Variants in EYA4 observed in about 807,000 individuals in gnomAD.
EYA4 encodes the protein EYA transcriptional coactivator and phosphatase 4, also known as protein phosphatase EYA4.
In EYA4, 31 loss-of-function variants were observed where a neutral mutation model predicts 87.9. The observed-to-expected ratio is 0.35, with a 90% CI of 0.27 to 0.48. EYA4 has a LOEUF of 0.48. Ranked by LOEUF, EYA4 falls within the 20% of genes least tolerant of loss-of-function variation. EYA4 has a pLI of 0.99. For synonymous variants in EYA4, 263 were observed against 270.6 expected (o/e 0.97, Z 0.28); for missense variants, 678 against 761.4 (o/e 0.89, Z 1.29).
chr6:133,408,182 A>G (rs1479075440), intron 3 of EYA4, among the ~76,000 whole-genome samples: 4 of 152,324 alleles, frequency 2.6e-5, no homozygotes, highest in African/African-American at 9.6e-5. Context: ...GCCCCTTTGC[A>G]TGGTGAACAG....
chr6:133,283,263 C>T (rs546672011), intron 2 of EYA4, among the ~76,000 whole-genome samples: 2 of 151,862 alleles, frequency 1.3e-5, no homozygotes, highest in African/African-American at 4.8e-5. Context: ...CACTGTGCTC[C>T]ACCCTGAGCG....
At chr6:133,500,741 G>C (rs762455820) in intron 13 of EYA4, among the ~76,000 whole-genome samples, 1 of 151,822 alleles carries the variant, frequency 6.6e-6, no homozygotes, top group African/African-American at 2.4e-5. Context: ...GACTTCTTTC[G>C]CTAAGCCACC....
rs1794492379 is a variant in EYA4 at position 133,462,551 on chromosome 6, T to C, written c.581-70T>C. ...GCTGGCTGGTAGCTTTGTATTCTAT[T>C]GTAGGTTACAACTTAGAAGGAAAAT... is the stretch of plus-strand genomic sequence containing the variant. On this transcript the variant is annotated intron_variant, in intron 8 of 19. Coordinates refer to ENST00000355286, the MANE Select transcript of EYA4 (RefSeq NM_004100.5). 3.7e-6 allele frequency: 6 copies of C among 1,611,640 alleles called. No individual in the cohort carries two copies. In the East Asian group the frequency reaches 8.9e-5, roughly 24 times the overall value.
chr6:133,525,428 A>AT (rs1256457339), intron 19 of EYA4, among the ~76,000 whole-genome samples, 174 bp downstream of exon 19: 2 of 152,100 alleles, frequency 1.3e-5, no homozygotes, highest in Admixed American at 1.3e-4. Flanking sequence ...GGAGTTTAGC[A>AT]TTTTTTGCCT....
At chr6:133,309,281 G>A (rs1780036908) in intron 2 of EYA4, among the ~76,000 whole-genome samples, 1 of 151,984 alleles carries the variant, frequency 6.6e-6, no homozygotes, top group Admixed American at 6.6e-5. Context: ...TGAAGTTGAG[G>A]TTTAATGCAG....
At chr6:133,449,243 T>G (rs941198578) in intron 5 of EYA4, among the ~76,000 whole-genome samples, 2 of 152,310 alleles carry the variant, frequency 1.3e-5, no homozygotes, top group Middle Eastern at 3.4e-3. Context: ...ATAGAAAATA[T>G]GTAAATGAAT....
intron 2 of EYA4, among the ~76,000 whole-genome samples, chr6:133,294,723 A>G (rs1778819915): frequency 6.6e-6 from 1 of 152,072 alleles, no homozygotes; most frequent in South Asian, 2.1e-4. Context: ...ATGAACCACC[A>G]TGCGTGGCTA....
chr6:133,294,023 TTATATATATATATATATATATATA>T lies in EYA4; in HGVS notation c.33+19227_33+19250del, dbSNP rs71771244. On this transcript the variant is annotated intron_variant, in intron 2 of 19. Coordinates refer to ENST00000355286, the MANE Select transcript of EYA4 (RefSeq NM_004100.5). Reference sequence around the variant, plus strand: ...AATTCCTGTGCTCCCTAGGGTGATTTTATATATATATATATATATATATATATATATATATATATAATTCTATTC... The same window carrying T: ...AATTCCTGTGCTCCCTAGGGTGATTTTATATATATATATATAATTCTATTC... 2.3e-4 allele frequency among the ~76,000 whole-genome samples: 18 copies of T among 78,782 alleles called. 2 individuals carry two copies. The South Asian group carries it at 4.3e-3, about 19-fold the overall frequency. The allele number at this position is 78,782 out of a possible 152,430, so 51.7% of individuals were successfully genotyped here.
chr6:133,310,894 T>G (rs945356483), intron 2 of EYA4, among the ~76,000 whole-genome samples: 1 of 152,218 alleles, frequency 6.6e-6, no homozygotes, highest in Non-Finnish European at 1.5e-5. Context: ...TTCCTTTGTA[T>G]TAGATTTCTA....
chr6:133,392,092 AAAGT>A (rs1221185495), intron 3 of EYA4, among the ~76,000 whole-genome samples: 1 of 152,168 alleles, frequency 6.6e-6, no homozygotes, highest in African/African-American at 2.4e-5. Flanking sequence ...GCGAAACTGC[AAAGT>A]AAGAGGAACT....
intron 3 of EYA4, among the ~76,000 whole-genome samples, chr6:133,441,734 G>T (rs575928604): frequency 6.6e-6 from 1 of 152,062 alleles, no homozygotes; most frequent in African/African-American, 2.4e-5. Flanking sequence ...GATGAAGCAG[G>T]TAATCAGAAT....
At chr6:133,291,936 A>AG (rs539915666) in intron 2 of EYA4, among the ~76,000 whole-genome samples, 3 of 151,178 alleles carry the variant, frequency 2.0e-5, no homozygotes, top group African/African-American at 7.3e-5. Context: ...AGCTAGACTG[A>AG]TTTTTTTTTC....
At position 133,480,757 on chromosome 6, in the gene EYA4, CTT is replaced by C. The variant is rs560694635; in HGVS notation, c.971-704_971-703del. Among the ~76,000 whole-genome samples, 372 of 152,062 alleles carry C rather than the reference CTT, an allele frequency of 2.4e-3. 5 individuals are homozygous for C. The highest frequency in any genetic ancestry group is 8.4e-3 in the African/African-American group (347 of 41,492). On this transcript the variant is annotated intron_variant, in intron 11 of 19. Transcript: ENST00000355286. ...TTTTTTTAACATAGCTGATAAAAAA[CTT>C]TAAAATATTATATAAGATCACATTT...
chr6:133,453,852 G>A (rs1793675034), intron 5 of EYA4, among the ~76,000 whole-genome samples: 1 of 151,956 alleles, frequency 6.6e-6, no homozygotes, highest in South Asian at 2.1e-4. Context: ...TCCCAGGGAT[G>A]GCTTTTCTCA....
At chr6:133,437,992 A>G (rs1791869174) in intron 3 of EYA4, among the ~76,000 whole-genome samples, 1 of 152,206 alleles carries the variant, frequency 6.6e-6, no homozygotes, top group Non-Finnish European at 1.5e-5. Context: ...ATACCCATTA[A>G]TCATTTCCTG....
chr6:133,356,890 C>G (rs1424155082), intron 2 of EYA4, among the ~76,000 whole-genome samples: 1 of 151,228 alleles, frequency 6.6e-6, no homozygotes, highest in East Asian at 2.0e-4. Flanking sequence ...GCACCCTGTG[C>G]CTCCCAGGTT....
In EYA4 at chr6:133,529,980, A is replaced by G; in HGVS notation, c.*1175A>G. On this transcript the variant is annotated 3_prime_UTR_variant, in exon 20 of 20. Coordinates refer to ENST00000355286, the MANE Select transcript of EYA4 (RefSeq NM_004100.5). Reference sequence around the variant, plus strand: ...GCCATGAACATGGCATAAAATTCACATTGAGTGCACAGGGCTTAAAATAAA... The same window carrying G: ...GCCATGAACATGGCATAAAATTCACGTTGAGTGCACAGGGCTTAAAATAAA... The G allele has an allele frequency of 1.0e-6, 1 of 985,454 alleles. No homozygotes were observed. Among genetic ancestry groups the G allele is most frequent in the South Asian group, 4.7e-5 (1 of 21,286 alleles). 61.0% of individuals were successfully genotyped at this position (985,454 alleles called of 1,614,324 possible). A position where few individuals can be genotyped will look rare whatever the true frequency, so the allele number is the denominator to read the frequency against.
chr6:133,276,900 T>G (rs201695152), intron 2 of EYA4, among the ~76,000 whole-genome samples: 7 of 59,726 alleles, frequency 1.2e-4, no homozygotes, highest in Non-Finnish European at 2.3e-4. Flanking sequence ...TATAGAAATG[T>G]CAAAAAAAAA....
intron 3 of EYA4, among the ~76,000 whole-genome samples, chr6:133,394,934 C>T (rs1318792672): frequency 2.0e-5 from 3 of 152,194 alleles, no homozygotes; most frequent in Non-Finnish European, 4.4e-5. Context: ...TGATGATTCT[C>T]ACTAGTGTTG....
Sources: allele counts gnomAD v4.1 joint callset (sites outside exome capture counted in the v4.1 genomes callset), GRCh38; gene constraint gnomAD v4.1.1; transcripts MANE v1.5; gene names NCBI Gene and HGNC (gene_info 2026-07-23, HGNC 2026-07-21).